The following MPDZ variants were observed in gnomAD, a reference collection of about 807,000 sequenced individuals.
MPDZ encodes multiple PDZ domain protein.
MPDZ carries 234 observed loss-of-function variants against 239.1 expected under a neutral mutation model. The ratio of observed to expected loss-of-function variants is 0.98; its 90% confidence interval spans 0.88 to 1.09. The LOEUF is 1.09. Among genes scored for constraint, MPDZ ranks in the 50% least tolerant of loss-of-function variants. The probability of loss-of-function intolerance (pLI) is 0.00; values close to 1 mark genes in which losing one functional copy is unlikely to be tolerated. For missense variants in MPDZ, 3,175 were observed against 2,510.0 expected, an observed-to-expected ratio of 1.26 and a Z score of -5.66; for synonymous variants, 1,048 against 881.3, an observed-to-expected ratio of 1.19 and a Z score of -3.35.
chr9:13,209,909 C>G (rs1018222884), intron 10 of MPDZ, among the ~76,000 whole-genome samples: 2 of 151,722 alleles, frequency 1.3e-5, no homozygotes, highest in African/African-American at 2.4e-5. Flanking sequence ...GCTGGAGACT[C>G]ATAGGCTGAG....
At chr9:13,230,435 C>A (rs1488275310) in intron 3 of MPDZ, among the ~76,000 whole-genome samples, 1 of 151,974 alleles carries the variant, frequency 6.6e-6, no homozygotes, top group African/African-American at 2.4e-5. Flanking sequence ...AGAAATACTA[C>A]TGAAAAATAA....
chr9:13,254,329 C>T (rs1968876750), intron 1 of MPDZ, among the ~76,000 whole-genome samples: 1 of 152,190 alleles, frequency 6.6e-6, no homozygotes, highest in Non-Finnish European at 1.5e-5. Flanking sequence ...AAACAAATCA[C>T]TTTTAAAATC....
Position 13,192,156 on chromosome 9 carries a change from AAGTCC to A in MPDZ, c.1938_1942del (p.Asp647MetfsTer2). The A allele has an allele frequency of 6.2e-7, 1 of 1,607,488 alleles. No homozygotes were observed. Among genetic ancestry groups the A allele is most frequent in the Admixed American group, 1.7e-5 (1 of 59,498 alleles). Reference sequence around the variant, plus strand: ...CTTTTCTGTTAGCTCAATATCACATAAGTCCAGGCTATCCAATTCTGATTGGGTGG... The same window carrying A: ...CTTTTCTGTTAGCTCAATATCACATAAGGCTATCCAATTCTGATTGGGTGG... On this transcript the variant is annotated frameshift_variant, in exon 15 of 47. Coordinates refer to ENST00000319217, the MANE Select transcript of MPDZ (RefSeq NM_001378778.1). LOFTEE classifies it high-confidence loss of function.
At chr9:13,226,783 T>C (rs919366563) in intron 3 of MPDZ, among the ~76,000 whole-genome samples, 11 of 152,114 alleles carry the variant, frequency 7.2e-5, no homozygotes, top group Admixed American at 7.2e-4. Flanking sequence ...GACTATTTTA[T>C]TTTTACTATG....
chr9:13,173,622 T>C (rs949058518), intron 21 of MPDZ, among the ~76,000 whole-genome samples: 1 of 151,746 alleles, frequency 6.6e-6, no homozygotes, highest in East Asian at 1.9e-4. Flanking sequence ...TGAGAATTGC[T>C]TGAACTCAGG....
intron 19 of MPDZ, among the ~76,000 whole-genome samples, chr9:13,179,721 A>G (rs1261901486): frequency 6.6e-6 from 1 of 152,182 alleles, no homozygotes; most frequent in Non-Finnish European, 1.5e-5. Flanking sequence ...TCTTGTCCTC[A>G]GTAAAAAATT....
rs751516946 is a variant in MPDZ at position 13,147,670 on chromosome 9, G to C, written c.3631-12C>G. Reference sequence around the variant, plus strand: ...TCCATTCCATCCACCTGCAATGGAAGGCCTCAGCTTAACATTTCAAGAATC... The same window carrying C: ...TCCATTCCATCCACCTGCAATGGAACGCCTCAGCTTAACATTTCAAGAATC... On this transcript the variant is annotated splice_polypyrimidine_tract_variant and intron_variant, in intron 25 of 46. Coordinates refer to ENST00000319217, the MANE Select transcript of MPDZ (RefSeq NM_001378778.1). The C allele has an allele frequency of 6.3e-7, 1 of 1,586,314 alleles. No homozygotes were observed. The highest frequency in any genetic ancestry group is 1.1e-5 in the South Asian group (1 of 90,236).
At position 13,188,876 on chromosome 9, in the gene MPDZ, T is replaced by G. The variant is rs1161560085; in HGVS notation, c.2272A>C (p.Asn758His). The G allele has an allele frequency of 1.9e-6, 3 of 1,613,426 alleles. No homozygotes were observed. Among genetic ancestry groups the G allele is most frequent in the Non-Finnish European group, 2.5e-6 (3 of 1,179,590 alleles). Residue 758 changes from asparagine to histidine, a missense_variant, in exon 17 of 47, where the codon AAC becomes CAC. Asn to His is a moderately conservative substitution (Grantham distance 68). Transcript: ENST00000319217. ...GDRLMFVNDV[N>H]LENSSLEEAV... is the part of the protein sequence containing the mutation. Reference sequence around the variant, plus strand: ...TCCTCAAGACTGCTGTTTTCCAAGTTAACATCGTTTACAAACATGAGTCGG... The same window carrying G: ...TCCTCAAGACTGCTGTTTTCCAAGTGAACATCGTTTACAAACATGAGTCGG...
At chr9:13,187,022 C>G (rs1954204800) in intron 17 of MPDZ, among the ~76,000 whole-genome samples, 1 of 152,068 alleles carries the variant, frequency 6.6e-6, no homozygotes, top group Admixed American at 6.6e-5. Flanking sequence ...CTTGGTCACG[C>G]TGACAGAAAA....
At chr9:13,126,059 C>G (rs368779214) in intron 34 of MPDZ, among the ~76,000 whole-genome samples, 1 of 152,054 alleles carries the variant, frequency 6.6e-6, no homozygotes, top group East Asian at 1.9e-4. Context: ...AAATGAGATA[C>G]CAAATAAGTA....
At position 13,176,124 on chromosome 9, in the gene MPDZ, T is replaced by A. The variant is rs1249234711; in HGVS notation, c.2931+12A>T. Reference sequence around the variant, plus strand: ...TCATCATAAAACACAAACCATATCTTTAAAATATTACCTTTCCAGCTGAAT... The same window carrying A: ...TCATCATAAAACACAAACCATATCTATAAAATATTACCTTTCCAGCTGAAT... On this transcript the variant is annotated intron_variant, in intron 20 of 46. Transcript: ENST00000319217. 7.7e-6 allele frequency: 12 copies of A among 1,566,352 alleles called. No individual in the cohort carries two copies. The highest frequency in any genetic ancestry group is 1.0e-5 in the Non-Finnish European group (12 of 1,154,568).
chr9:13,159,467 T>C (rs371757016), intron 23 of MPDZ, among the ~76,000 whole-genome samples: 5 of 152,046 alleles, frequency 3.3e-5, no homozygotes, highest in Admixed American at 3.3e-4. Context: ...AGAGAAATAG[T>C]AAAAGTGAAA....
intron 1 of MPDZ, among the ~76,000 whole-genome samples, chr9:13,271,729 T>C (rs893810863): frequency 1.5e-4 from 23 of 152,084 alleles, no homozygotes; most frequent in Non-Finnish European, 2.6e-4. Context: ...ATACGCACCA[T>C]AAGACAACGG....
intron 32 of MPDZ, 29 bp downstream of exon 32, chr9:13,133,795 C>A (rs1946362934): frequency 6.7e-7 from 1 of 1,486,762 alleles, no homozygotes; most frequent in South Asian, 1.2e-5. Context: ...GAACTCACAT[C>A]ATTTCATTCC....
chr9:13,172,475 C>T (rs1037007243), intron 21 of MPDZ, among the ~76,000 whole-genome samples: 1 of 151,696 alleles, frequency 6.6e-6, no homozygotes, highest in Non-Finnish European at 1.5e-5. Flanking sequence ...CTCCACCTCC[C>T]GAGTTCAAGG....
chr9:13,265,796 G>A (rs190541735), intron 1 of MPDZ, among the ~76,000 whole-genome samples: 1 of 152,116 alleles, frequency 6.6e-6, no homozygotes, highest in East Asian at 1.9e-4. Flanking sequence ...TGTCAGTTGT[G>A]ACTGAGTGGC....
In MPDZ at chr9:13,216,848, A is replaced by G; in HGVS notation, c.1216T>C (p.Phe406Leu). ...GDKKLEPSGI[F>L]VKSITKSSAV... ...CTGCTTTTTGTAATGCTCTTTACAA[A>G]GATTCCTGAAGGTTCTAAGATTAGA... is the stretch of plus-strand genomic sequence containing the variant. Residue 406 changes from phenylalanine (F) to leucine (L), a missense_variant, in exon 10 of 47, where the codon TTT becomes CTT. Phe to Leu is a conservative substitution (Grantham distance 22, BLOSUM62 0). Coordinates refer to ENST00000319217, the MANE Select transcript of MPDZ (RefSeq NM_001378778.1). The G allele has an allele frequency of 6.2e-7, 1 of 1,609,428 alleles. No individual in the cohort carries two copies. The highest frequency in any genetic ancestry group is 8.5e-7 in the Non-Finnish European group (1 of 1,177,674).
chr9:13,215,977 G>C (rs948157469), intron 10 of MPDZ, among the ~76,000 whole-genome samples: 1 of 137,968 alleles, frequency 7.2e-6, no homozygotes, highest in Non-Finnish European at 1.5e-5. Flanking sequence ...TTTAGAGATA[G>C]GATCTGCCTG....
At chr9:13,214,859 C>G (rs1180075591) in intron 10 of MPDZ, among the ~76,000 whole-genome samples, 1 of 151,794 alleles carries the variant, frequency 6.6e-6, no homozygotes, top group Non-Finnish European at 1.5e-5. Context: ...TAGTGTAGAT[C>G]TGAAGAGGTG....
Sources: gnomAD v4.1 joint callset for allele counts (sites outside exome capture counted in the v4.1 genomes callset) on GRCh38, gnomAD v4.1.1 for gene constraint, MANE v1.5 for transcripts, NCBI Gene and HGNC (gene_info 2026-07-23, HGNC 2026-07-21) for gene names.